The following HNF4G variants were observed in gnomAD, a reference collection of about 807,000 sequenced individuals.
HNF4G encodes the protein hepatocyte nuclear factor 4 gamma, also known as hepatocyte nuclear factor 4-gamma.
In HNF4G, 21 loss-of-function variants were observed where a neutral mutation model predicts 50.9. The observed-to-expected ratio is 0.41, with a 90% CI of 0.29 to 0.59. HNF4G has a LOEUF of 0.59. Ranked by LOEUF, HNF4G falls within the 20% of genes least tolerant of loss-of-function variation. The probability of loss-of-function intolerance (pLI) is 0.26; values close to 1 mark genes in which losing one functional copy is unlikely to be tolerated. For synonymous variants in HNF4G, 198 were observed against 185.6 expected (o/e 1.07, Z -0.54); for missense variants, 527 against 559.4 (o/e 0.94, Z 0.58).
At chr8:75,480,211 T>C (rs1166602467) in intron 1 of HNF4G, among the ~76,000 whole-genome samples, 1 of 152,196 alleles carries the variant, frequency 6.6e-6, no homozygotes, top group Non-Finnish European at 1.5e-5. Context: ...GGAAAGTACA[T>C]AATATCTAAG....
chr8:75,523,733 A>C (rs528424142), intron 2 of HNF4G, among the ~76,000 whole-genome samples: 23 of 151,578 alleles, frequency 1.5e-4, no homozygotes, highest in African/African-American at 5.3e-4. Flanking sequence ...AAATAGTATT[A>C]TATTTTATAA....
Position 75,463,620 on chromosome 8 carries a change from A to G in HNF4G, c.-143-26469A>G, listed in dbSNP as rs557882329. 2.0e-5 allele frequency among the ~76,000 whole-genome samples: 3 copies of G among 151,004 alleles called. No homozygotes were observed. The South Asian group carries it at 6.3e-4, about 31-fold the overall frequency. On this transcript the variant is annotated intron_variant, in intron 1 of 10. Transcript: ENST00000354370. ...CATTTTTTTTTTCAACAGAGTCTAT[A>G]CTCTTCACTTTCCAGATAAGGTATT... is the stretch of plus-strand genomic sequence containing the variant.
chr8:75,439,687 C>T (rs1180654771), intron 1 of HNF4G, among the ~76,000 whole-genome samples: 2 of 151,974 alleles, frequency 1.3e-5, no homozygotes, highest in African/African-American at 2.4e-5. Flanking sequence ...ATTAAGAGTT[C>T]ACATATATTA....
intron 1 of HNF4G, among the ~76,000 whole-genome samples, chr8:75,410,851 A>T (rs1810483331): frequency 6.6e-6 from 1 of 152,180 alleles, no homozygotes; most frequent in Non-Finnish European, 1.5e-5. Context: ...GTCAGTCCTG[A>T]CACTCATATA....
intron 3 of HNF4G, among the ~76,000 whole-genome samples, chr8:75,550,140 A>AAAAATGATAT (rs1806904820): frequency 6.6e-6 from 1 of 152,152 alleles, no homozygotes; most frequent in Non-Finnish European, 1.5e-5. Flanking sequence ...CTTGCAGAAA[A>AAAAATGATAT]AAAATGATAT....
chr8:75,544,060 G>C (rs1306749437), intron 2 of HNF4G, 81 bp downstream of exon 2: 15 of 1,254,012 alleles, frequency 1.2e-5, no homozygotes, highest in African/African-American at 1.5e-5. Flanking sequence ...AGAAAATTCA[G>C]AGTTTTCGTA....
Position 75,564,516 on chromosome 8 carries a change from T to C in HNF4G, c.*420T>C, listed in dbSNP as rs1297288744. 1 of 153,312 alleles carries C rather than the reference T, an allele frequency of 6.5e-6. No individual in the cohort carries two copies. Among genetic ancestry groups the C allele is most frequent in the Non-Finnish European group, 1.5e-5 (1 of 68,850 alleles). The allele number at this position is 153,312 out of a possible 1,614,324, so 9.5% of individuals were successfully genotyped here. ...CAGTTTAATATAAAATGAGCTAAGT[T>C]TTTAAAAATAAATTATAAACTTGGA... On this transcript the variant is annotated 3_prime_UTR_variant, in exon 10 of 10. Transcript: ENST00000396423.
intron 2 of HNF4G, among the ~76,000 whole-genome samples, chr8:75,502,141 G>A (rs1812945216): frequency 6.6e-6 from 1 of 152,082 alleles, no homozygotes; most frequent in African/African-American, 2.4e-5. Context: ...GTGAGCCACC[G>A]CGCCTGGCCC....
At chr8:75,410,045 C>CA (rs1197401298) in intron 1 of HNF4G, among the ~76,000 whole-genome samples, 13 of 152,106 alleles carry the variant, frequency 8.5e-5, no homozygotes, top group African/African-American at 3.1e-4. Flanking sequence ...TAATATTTTT[C>CA]AAATACTTAT....
At chr8:75,494,454 C>T (rs890355635) in intron 2 of HNF4G, among the ~76,000 whole-genome samples, 1 of 151,450 alleles carries the variant, frequency 6.6e-6, no homozygotes, top group African/African-American at 2.4e-5. Context: ...TTAATAAGGT[C>T]TTTTATTACA....
intron 2 of HNF4G, among the ~76,000 whole-genome samples, chr8:75,516,034 G>A (rs1022066722): frequency 3.3e-5 from 5 of 152,198 alleles, no homozygotes; most frequent in African/African-American, 1.2e-4. Context: ...AAAGTGCCGG[G>A]ATTACAGGCG....
Position 75,452,988 on chromosome 8 carries a change from T to C in HNF4G, c.-143-37101T>C, listed in dbSNP as rs1011693683. Among the ~76,000 whole-genome samples, 6 of 152,192 alleles carry C rather than the reference T, an allele frequency of 3.9e-5. No homozygotes were observed. In the South Asian group the frequency reaches 1.2e-3, roughly 31 times the overall value. On this transcript the variant is annotated intron_variant, in intron 1 of 10. Coordinates refer to the HNF4G transcript ENST00000354370. ...AATAAATTAATGAGGAAATGAATGA[T>C]TATGTAAATTTAAAAAGGTTAAGTG...
chr8:75,532,348 A>G (rs929162153), intron 2 of HNF4G, among the ~76,000 whole-genome samples: 9 of 152,126 alleles, frequency 5.9e-5, no homozygotes, highest in African/African-American at 2.2e-4. Flanking sequence ...GAACATAAAA[A>G]ATAATAATGA....
chr8:75,441,804 C>T (rs1402545480), intron 1 of HNF4G, among the ~76,000 whole-genome samples: 2 of 152,190 alleles, frequency 1.3e-5, no homozygotes, highest in East Asian at 3.8e-4. Context: ...AGCGAACTGG[C>T]TTGGGTCCAC....
chr8:75,423,519 G>A (rs2130496205), intron 1 of HNF4G, among the ~76,000 whole-genome samples: 1 of 150,288 alleles, frequency 6.7e-6, no homozygotes, highest in East Asian at 2.0e-4. Flanking sequence ...CTCCCGACTA[G>A]CTGGGACTAC....
rs774431647 is a variant in HNF4G at position 75,556,041 on chromosome 8, C to T, written c.705C>T (p.Ser235=). ...TACTGCTTGGAGCTACAAAGAGATCCATGATGTATAAAGATATTTTGCTTT... is the reference window on the plus strand; with the variant it reads ...TACTGCTTGGAGCTACAAAGAGATCTATGATGTATAAAGATATTTTGCTTT... The part of the protein sequence containing the change: ...EHLLLGATKR[S]MMYKDILLLG... The change falls in exon 6 of 10, where the codon TCC becomes TCT. Residue 235 remains serine, a synonymous_variant. Coordinates refer to ENST00000396423, the MANE Select transcript of HNF4G (RefSeq NM_004133.5). 6.3e-7 allele frequency: 1 copy of T among 1,579,768 alleles called. No homozygotes were observed. Among genetic ancestry groups the T allele is most frequent in the Admixed American group, 1.8e-5 (1 of 57,092 alleles).
intron 1 of HNF4G, among the ~76,000 whole-genome samples, chr8:75,478,989 T>C (rs748791095): frequency 1.1e-4 from 17 of 152,194 alleles, no homozygotes; most frequent in Non-Finnish European, 2.4e-4. Context: ...CCCGAAGTGA[T>C]AGAATTACAT....
intron 1 of HNF4G, among the ~76,000 whole-genome samples, chr8:75,474,897 C>T (rs888942566): frequency 5.3e-5 from 8 of 152,006 alleles, no homozygotes; most frequent in Non-Finnish European, 1.0e-4. Flanking sequence ...GAGGTGTCAC[C>T]GTGTTGGCCA....
intron 2 of HNF4G, among the ~76,000 whole-genome samples, chr8:75,494,300 GCACACACACACACACACACACA>G (rs755362411): frequency 2.1e-4 from 16 of 77,262 alleles, no homozygotes; most frequent in Admixed American, 1.3e-3. Context: ...CTCCCATACA[GCACACACACACACACACACACA>G]CACACACACA....
Sources: allele counts gnomAD v4.1 joint callset (sites outside exome capture counted in the v4.1 genomes callset), GRCh38; gene constraint gnomAD v4.1.1; transcripts MANE v1.5; gene names NCBI Gene and HGNC (gene_info 2026-07-23, HGNC 2026-07-21).